Variants in GRIN3A observed in about 807,000 individuals in gnomAD.
GRIN3A encodes glutamate ionotropic receptor NMDA type subunit 3A, also known as glutamate receptor ionotropic, NMDA 3A.
A neutral mutation model predicts 92.4 loss-of-function variants in GRIN3A; 47 were observed. The ratio of observed to expected loss-of-function variants is 0.51; its 90% CI spans 0.40 to 0.65. The LOEUF (loss-of-function observed/expected upper bound fraction) is 0.65, where lower values mean the gene tolerates loss of function less well. Among genes scored for constraint, GRIN3A ranks in the 30% least tolerant of loss-of-function variants. The pLI is 0.00. For synonymous variants in GRIN3A, 527 were observed against 540.6 expected (o/e 0.97, Z 0.35); for missense variants, 1,324 against 1,393.1 (o/e 0.95, Z 0.79).
chr9:101,699,415 C>A (rs2506358), intron 1 of GRIN3A, among the ~76,000 whole-genome samples: 140,086 of 152,002 alleles, frequency 0.92, 64,868 homozygotes, highest in Middle Eastern at 0.97. Flanking sequence ...CTAAAATAAC[C>A]ATAAACAGTA....
intron 8 of GRIN3A, 69 bp from the exon 9 acceptor site, chr9:101,573,582 A>T (rs553880712): frequency 1.1e-5 from 14 of 1,259,398 alleles, no homozygotes; most frequent in Non-Finnish European, 1.6e-5. Flanking sequence ...TTCATCTGTT[A>T]GCCATTTCCT....
chr9:101,620,236 G>A lies in GRIN3A; in HGVS notation c.2614+3082C>T, dbSNP rs771213183. ...AGGGCAATGGTAGATTTGGTGCCTG[G>A]TGAGGGCCTGCTTTCTGGTTCATAG... On this transcript the variant is annotated intron_variant, in intron 5 of 8. Transcript: ENST00000361820. Among the ~76,000 whole-genome samples the A allele has an allele frequency of 2.2e-4, 34 of 152,176 alleles. 1 individual carries two copies. The highest frequency in any genetic ancestry group is 4.0e-4 in the Non-Finnish European group (27 of 68,036).
chr9:101,628,040 C>T (rs980909167), intron 4 of GRIN3A, among the ~76,000 whole-genome samples: 1 of 152,218 alleles, frequency 6.6e-6, no homozygotes, highest in Non-Finnish European at 1.5e-5. Context: ...CTACTACCAA[C>T]TTGAGACTAT....
intron 3 of GRIN3A, among the ~76,000 whole-genome samples, chr9:101,646,355 A>G (rs1038101869): frequency 2.0e-5 from 3 of 151,588 alleles, no homozygotes; most frequent in African/African-American, 7.2e-5. Flanking sequence ...TTGAAACAAT[A>G]TACACTGTTT....
At chr9:101,668,931 A>G (rs927583518) in intron 3 of GRIN3A, among the ~76,000 whole-genome samples, 8 of 152,182 alleles carry the variant, frequency 5.3e-5, no homozygotes, top group Non-Finnish European at 1.0e-4. Context: ...AATGTTTAAT[A>G]GTAACTTATA....
intron 5 of GRIN3A, among the ~76,000 whole-genome samples, chr9:101,616,739 G>C (rs62577388): frequency 1.8e-5 from 2 of 111,444 alleles, no homozygotes; most frequent in Non-Finnish European, 3.4e-5. Context: ...TGGGGACTGT[G>C]GTGGGGTGGG....
chr9:101,715,806 CAAAT>C (rs1829938916), intron 1 of GRIN3A, among the ~76,000 whole-genome samples: 1 of 151,928 alleles, frequency 6.6e-6, no homozygotes, highest in Non-Finnish European at 1.5e-5. Flanking sequence ...ATTACAATGG[CAAAT>C]AAAACAGAAA....
At chr9:101,641,176 A>G (rs1302203956) in intron 3 of GRIN3A, among the ~76,000 whole-genome samples, 1 of 152,236 alleles carries the variant, frequency 6.6e-6, no homozygotes, top group Non-Finnish European at 1.5e-5. Flanking sequence ...GAATACTTTT[A>G]CATTGTTGGT....
chr9:101,643,193 GCAAA>G (rs999734111), intron 3 of GRIN3A, among the ~76,000 whole-genome samples: 58 of 151,800 alleles, frequency 3.8e-4, no homozygotes, highest in African/African-American at 1.3e-3. Context: ...CAGCTCAATA[GCAAA>G]CAAACAAACA....
At chr9:101,685,693 A>C (rs1263668403) in intron 2 of GRIN3A, among the ~76,000 whole-genome samples, 1 of 151,564 alleles carries the variant, frequency 6.6e-6, no homozygotes, top group Non-Finnish European at 1.5e-5. Context: ...AAATGTATTT[A>C]ATTTAAAAAT....
At chr9:101,702,376 A>G (rs1345286968) in intron 1 of GRIN3A, among the ~76,000 whole-genome samples, 2 of 152,136 alleles carry the variant, frequency 1.3e-5, no homozygotes, top group African/African-American at 4.8e-5. Flanking sequence ...CCATCCATCC[A>G]AACAACTTTT....
chr9:101,634,660 T>G (rs1002096321), intron 3 of GRIN3A, among the ~76,000 whole-genome samples: 1 of 152,190 alleles, frequency 6.6e-6, no homozygotes, highest in Non-Finnish European at 1.5e-5. Flanking sequence ...CACTACATTC[T>G]GCATTTATAG....
rs929507301 is a variant in GRIN3A, at chr9:101,737,750, TG to T, written c.229del (p.Gln77ArgfsTer59). ...AGTCCCTGGCTCCGGCTCATCCCTC[TG>T]GGCTCCTGCTCGGCTGTCGTCCGGA... ...RAPDDSRAGA[Q>X]RDEPEPGTRR... On this transcript the variant is annotated frameshift_variant, in exon 1 of 9. Transcript: ENST00000361820. LOFTEE classifies it high-confidence loss of function. 6.5e-7 allele frequency: 1 copy of T among 1,529,304 alleles called. No homozygotes were observed. The highest frequency in any genetic ancestry group is 1.4e-5 in the African/African-American group (1 of 72,730). 94.7% of individuals were successfully genotyped at this position (1,529,304 alleles called of 1,614,324 possible).
At chr9:101,713,980 C>T (rs2506362) in intron 1 of GRIN3A, among the ~76,000 whole-genome samples, 83,597 of 151,956 alleles carry the variant, frequency 0.55, 23,418 homozygotes, top group African/African-American at 0.66. Flanking sequence ...TGAATTCTGA[C>T]TGTGGCACTG....
chr9:101,583,418 G>T (rs1401750346), intron 6 of GRIN3A, among the ~76,000 whole-genome samples: 1 of 152,092 alleles, frequency 6.6e-6, no homozygotes, highest in Non-Finnish European at 1.5e-5. Context: ...GTAATTCAGC[G>T]GTTCCTCCCC....
At chr9:101,721,092 G>C (rs903124493) in intron 1 of GRIN3A, among the ~76,000 whole-genome samples, 8 of 152,156 alleles carry the variant, frequency 5.3e-5, no homozygotes, top group African/African-American at 1.7e-4. Context: ...GTTTGGCTGT[G>C]TCTCCACCCA....
At chr9:101,733,181 C>T (rs995946213) in intron 1 of GRIN3A, among the ~76,000 whole-genome samples, 3 of 152,144 alleles carry the variant, frequency 2.0e-5, no homozygotes, top group African/African-American at 7.2e-5. Context: ...ATATAATGGT[C>T]AGACAAAATC....
At chr9:101,605,122 A>G (rs1828262310) in intron 6 of GRIN3A, among the ~76,000 whole-genome samples, 1 of 152,240 alleles carries the variant, frequency 6.6e-6, no homozygotes, top group South Asian at 2.1e-4. Flanking sequence ...GAATCCTCTT[A>G]AACAATCCTA....
At chr9:101,649,509 C>T (rs887571299) in intron 3 of GRIN3A, among the ~76,000 whole-genome samples, 17 of 152,074 alleles carry the variant, frequency 1.1e-4, no homozygotes, top group Middle Eastern at 3.4e-3. Context: ...AATGAATCTA[C>T]GCCTCCAATT....
Sources: gnomAD v4.1 joint callset for allele counts (sites outside exome capture counted in the v4.1 genomes callset) on GRCh38, gnomAD v4.1.1 for gene constraint, MANE v1.5 for transcripts, NCBI Gene and HGNC (gene_info 2026-07-23, HGNC 2026-07-21) for gene names.